PIK3C2G: variants seen among roughly 807,000 people sequenced by gnomAD.
PIK3C2G encodes phosphatidylinositol-4-phosphate 3-kinase catalytic subunit type 2 gamma, also known as phosphatidylinositol 3-kinase C2 domain-containing subunit gamma.
A neutral mutation model predicts 181.1 loss-of-function variants in PIK3C2G; 168 were observed. That is an observed-to-expected ratio of 0.93 (90% CI 0.82 to 1.05). PIK3C2G has a LOEUF of 1.05. PIK3C2G is among the 50% of genes least tolerant of loss of function. The pLI, the probability that PIK3C2G is intolerant of heterozygous loss-of-function variation, is 0.00. For synonymous variants in PIK3C2G, 573 were observed against 592.2 expected (o/e 0.97, Z 0.47); for missense variants, 1,869 against 1,732.8 (o/e 1.08, Z -1.40).
intron 1 of PIK3C2G, among the ~76,000 whole-genome samples, chr12:18,276,723 T>A (rs1030500525): frequency 4.6e-5 from 7 of 152,204 alleles, no homozygotes; most frequent in African/African-American, 1.7e-4. Context: ...GTTTTTGTAT[T>A]CATTTTTGTA....
At chr12:18,661,897 T>A in the PIK3C2G span, among the ~76,000 whole-genome samples, 26 of 152,100 alleles carry the variant, frequency 1.7e-4, no homozygotes, top group Admixed American at 1.6e-3. Context: ...TGGATTTTTT[T>A]AAATGAAGTA....
At chr12:18,696,275 G>C in the PIK3C2G span, 6 of 1,297,164 alleles carry the variant, frequency 4.6e-6, no homozygotes, top group South Asian at 7.4e-5. Context: ...GACTGAAAAA[G>C]AATAATTAAA....
chr12:18,470,286 G>A (rs962083468), intron 18 of PIK3C2G, among the ~76,000 whole-genome samples: 1 of 152,080 alleles, frequency 6.6e-6, no homozygotes, highest in African/African-American at 2.4e-5. Context: ...TTTCAAGGCT[G>A]CCCGTTAGCA....
intron 26 of PIK3C2G, 117 bp downstream of exon 26, chr12:18,546,549 C>G: frequency 1.5e-6 from 1 of 650,482 alleles, no homozygotes; most frequent in South Asian, 1.8e-5. Context: ...GTTTCTAGAA[C>G]AAGCTTGTGT....
chr12:18,475,071 G>A (rs1040179126), intron 18 of PIK3C2G, among the ~76,000 whole-genome samples: 5 of 151,786 alleles, frequency 3.3e-5, no homozygotes, highest in South Asian at 2.1e-4. Flanking sequence ...CGAATGGTCC[G>A]GTGTGAAAAG....
the PIK3C2G span, among the ~76,000 whole-genome samples, chr12:18,669,113 C>A: frequency 2.0e-5 from 3 of 152,162 alleles, no homozygotes; most frequent in Non-Finnish European, 2.9e-5. Context: ...TTATAAACAA[C>A]AGTTCATTTA....
intron 20 of PIK3C2G, chr12:18,493,433 A>G (rs1940747214): frequency 6.6e-6 from 1 of 152,334 alleles, no homozygotes; most frequent in African/African-American, 2.4e-5. Flanking sequence ...AAATATGATA[A>G]GCATGGAAAT....
At position 18,496,069 on chromosome 12, in the gene PIK3C2G, C is replaced by G. The variant is rs199637233; in HGVS notation, c.2801C>G (p.Ser934Ter). The G allele has an allele frequency of 5.5e-4, 823 of 1,506,622 alleles. 7 individuals carry two copies. Among genetic ancestry groups the G allele is most frequent in the Non-Finnish European group, 1.8e-4 (196 of 1,116,912 alleles). 93.3% of individuals were successfully genotyped at this position (1,506,622 alleles called of 1,614,324 possible). ...CTTTTTCTTTTCCTATAGGCATGTT[C>G]ATATTTTACATCTAATGCTTTGCCA... is the stretch of plus-strand genomic sequence containing the variant. ...CIKGIDHDAC[S>*]YFTSNALPLK... is the part of the protein sequence containing the mutation. The change falls in exon 21 of 33, where the codon TCA (serine) becomes TGA (stop). Residue 934 changes from serine to a stop codon, truncating the protein, a stop_gained. Coordinates refer to ENST00000538779, the MANE Select transcript of PIK3C2G (RefSeq NM_001288772.2). LOFTEE classifies it high-confidence loss of function.
chr12:18,295,923 T>A (rs1949920765), intron 5 of PIK3C2G, among the ~76,000 whole-genome samples: 1 of 152,076 alleles, frequency 6.6e-6, no homozygotes, highest in African/African-American at 2.4e-5. Context: ...CTTAAAGACA[T>A]GGAAATCTGT....
intron 16 of PIK3C2G, among the ~76,000 whole-genome samples, chr12:18,404,248 G>T (rs1485775155): frequency 1.3e-5 from 2 of 152,014 alleles, no homozygotes; most frequent in African/African-American, 4.8e-5. Context: ...TATGGCATAG[G>T]GAGGCAGTTA....
the PIK3C2G span, among the ~76,000 whole-genome samples, chr12:18,709,720 GA>G: frequency 1.3e-5 from 2 of 150,742 alleles, no homozygotes; most frequent in East Asian, 2.0e-4. Flanking sequence ...CACCCCAAGG[GA>G]AAAAAAACCC....
At chr12:18,416,795 C>T (rs970373186) in intron 16 of PIK3C2G, among the ~76,000 whole-genome samples, 4 of 152,236 alleles carry the variant, frequency 2.6e-5, no homozygotes, top group Admixed American at 6.5e-5. Flanking sequence ...GCTCTGATGG[C>T]GATGTATAGG....
Position 18,347,344 on chromosome 12 carries a change from C to T in PIK3C2G, c.1625+508C>T, listed in dbSNP as rs201944197. Among the ~76,000 whole-genome samples the T allele has an allele frequency of 7.2e-5, 11 of 152,186 alleles. No individual in the cohort carries two copies. The East Asian group carries it at 1.5e-3, about 21-fold the overall frequency. On this transcript the variant is annotated intron_variant, in intron 11 of 32. Transcript: ENST00000538779. ...TTTCAATAGAAATGAACGACAATTA[C>T]ACATGGAATATCATCAGATTTTAAG...
intron 11 of PIK3C2G, among the ~76,000 whole-genome samples, chr12:18,350,948 G>A (rs1038820576): frequency 6.6e-6 from 1 of 152,038 alleles, no homozygotes; most frequent in African/African-American, 2.4e-5. Flanking sequence ...ATAGGAGTGA[G>A]CATATAATTA....
At chr12:18,308,643 T>C (rs1008999578) in intron 5 of PIK3C2G, among the ~76,000 whole-genome samples, 1 of 151,724 alleles carries the variant, frequency 6.6e-6, no homozygotes, top group Non-Finnish European at 1.5e-5. Context: ...AGAGTAGTTA[T>C]CAAACATTTT....
chr12:18,362,687 C>G, intron 11 of PIK3C2G, 77 bp from the exon 12 acceptor site: 1 of 1,072,072 alleles, frequency 9.3e-7, no homozygotes, highest in Non-Finnish European at 1.3e-6. Context: ...CTTTTGACTA[C>G]AAAAATAATT....
At chr12:18,642,733 G>A (rs116974835) in intron 32 of PIK3C2G, among the ~76,000 whole-genome samples, 1,801 of 151,464 alleles carry the variant, frequency 0.012, 9 homozygotes, top group Non-Finnish European at 0.018. Flanking sequence ...TTAACACTTA[G>A]TTACCTCTAA....
intron 5 of PIK3C2G, among the ~76,000 whole-genome samples, chr12:18,298,236 C>T (rs1950023486): frequency 6.6e-6 from 1 of 151,590 alleles, no homozygotes; most frequent in South Asian, 2.1e-4. Flanking sequence ...AAGGGTAAAA[C>T]AATATCTCAT....
intron 8 of PIK3C2G, among the ~76,000 whole-genome samples, chr12:18,329,455 C>G (rs180877691): frequency 8.1e-4 from 123 of 152,052 alleles, no homozygotes; most frequent in African/African-American, 2.9e-3. Context: ...CATTTCATCA[C>G]CAAAGTTTGC....
Sources: gnomAD v4.1 joint callset for allele counts (sites outside exome capture counted in the v4.1 genomes callset) on GRCh38, gnomAD v4.1.1 for gene constraint, MANE v1.5 for transcripts, NCBI Gene and HGNC (gene_info 2026-07-23, HGNC 2026-07-21) for gene names.